MORC1: variants seen among roughly 807,000 people sequenced by gnomAD.
MORC1 encodes the protein MORC family CW-type zinc finger 1, also known as MORC family CW-type zinc finger protein 1.
Under a neutral mutation model 134.9 loss-of-function variants are expected in MORC1, and 59 were observed. The ratio of observed to expected loss-of-function variants is 0.44; its 90% CI spans 0.35 to 0.54. The LOEUF is 0.54. Among genes scored for constraint, MORC1 ranks in the 20% least tolerant of loss-of-function variants. The pLI is 0.00. For synonymous variants in MORC1, 395 were observed against 391.7 expected, an observed-to-expected ratio of 1.01 and a Z score of -0.10; for missense variants, 947 against 1,134.5, an observed-to-expected ratio of 0.83 and a Z score of 2.37.
At chr3:108,999,516 G>A (rs1270746923) in intron 21 of MORC1, among the ~76,000 whole-genome samples, 1 of 152,086 alleles carries the variant, frequency 6.6e-6, no homozygotes, top group Non-Finnish European at 1.5e-5. Flanking sequence ...ATAACTTTCT[G>A]GTGAAGGACA....
chr3:109,109,037 C>T (rs895545229), intron 3 of MORC1, among the ~76,000 whole-genome samples: 3 of 152,092 alleles, frequency 2.0e-5, no homozygotes, highest in South Asian at 2.1e-4. Context: ...ACACTTAGTG[C>T]GAGTCAACCG....
At chr3:108,988,008 A>G (rs1236738906) in intron 21 of MORC1, among the ~76,000 whole-genome samples, 1 of 152,032 alleles carries the variant, frequency 6.6e-6, no homozygotes, top group Non-Finnish European at 1.5e-5. Flanking sequence ...TAAGATAGGG[A>G]GCTGTCAGGT....
intron 7 of MORC1, among the ~76,000 whole-genome samples, chr3:109,093,909 A>C (rs1950777851): frequency 6.6e-6 from 1 of 152,236 alleles, no homozygotes; most frequent in Admixed American, 6.5e-5. Context: ...TGAATTTAAC[A>C]CACATAAAAA....
intron 8 of MORC1, among the ~76,000 whole-genome samples, chr3:109,090,151 C>T (rs1950687281): frequency 6.6e-6 from 1 of 151,980 alleles, no homozygotes; most frequent in Non-Finnish European, 1.5e-5. Flanking sequence ...CACCTTTAAA[C>T]TGATATTGCC....
chr3:109,066,435 G>T (rs1266243320), intron 9 of MORC1, among the ~76,000 whole-genome samples: 2 of 151,982 alleles, frequency 1.3e-5, no homozygotes, highest in African/African-American at 4.8e-5. Context: ...ACAGGTGCAT[G>T]CCACCACGCC....
intron 24 of MORC1, among the ~76,000 whole-genome samples, chr3:108,978,941 C>A (rs1339715813): frequency 6.6e-6 from 1 of 152,088 alleles, no homozygotes; most frequent in Non-Finnish European, 1.5e-5. Context: ...GAGCACAAGT[C>A]TGTATATAGA....
At chr3:109,066,234 T>C (rs1003738635) in intron 9 of MORC1, among the ~76,000 whole-genome samples, 7 of 152,168 alleles carry the variant, frequency 4.6e-5, no homozygotes, top group African/African-American at 1.7e-4. Context: ...CATGTTGTTT[T>C]TCCTCCCCCA....
intron 14 of MORC1, among the ~76,000 whole-genome samples, chr3:109,053,738 G>C (rs13075660): frequency 6.6e-6 from 1 of 152,038 alleles, no homozygotes; most frequent in African/African-American, 2.4e-5. Flanking sequence ...ATATACCTCT[G>C]TAACAACCTT....
In MORC1 at chr3:109,005,348, G is replaced by A. The variant is rs1033402390; in HGVS notation, c.1768-33C>T. ...AACAAAGAACATGTTTTTATTTTTTGGTAGATAGCCTATTTATAATTAATC... is the reference window on the plus strand; with the variant it reads ...AACAAAGAACATGTTTTTATTTTTTAGTAGATAGCCTATTTATAATTAATC... On this transcript the variant is annotated intron_variant, in intron 18 of 27. Coordinates refer to ENST00000232603, the MANE Select transcript of MORC1 (RefSeq NM_014429.4). The A allele has an allele frequency of 2.6e-6, 4 of 1,530,800 alleles. No homozygotes were observed. In the South Asian group the frequency reaches 5.1e-5, roughly 19 times the overall value. The allele number at this position is 1,530,800 out of a possible 1,614,324, so 94.8% of individuals were successfully genotyped here.
chr3:108,959,231 C>A, intron 27 of MORC1, 111 bp from the exon 28 acceptor site: 1 of 845,382 alleles, frequency 1.2e-6, no homozygotes. Context: ...CAACAAAAGC[C>A]ACCTTACATT....
At position 108,982,602 on chromosome 3, in the gene MORC1, G is replaced by A. The variant is rs566516799; in HGVS notation, c.2324+2114C>T. The stretch of plus-strand genomic sequence containing the variant: ...GTGGGATGGGGGGGGCAGGGGGAGG[G>A]ATAGCATTAGGAGAAATACCTAACA... On this transcript the variant is annotated intron_variant, in intron 23 of 27. Coordinates refer to ENST00000232603, the MANE Select transcript of MORC1 (RefSeq NM_014429.4). Among the ~76,000 whole-genome samples, 345 of 151,414 alleles carry A rather than the reference G, an allele frequency of 2.3e-3. 1 individual carries two copies. Among genetic ancestry groups the A allele is most frequent in the African/African-American group, 8.1e-3 (331 of 41,084 alleles).
At chr3:109,063,314 G>A in intron 9 of MORC1, 83 bp from the exon 10 acceptor site, 6 of 735,712 alleles carry the variant, frequency 8.2e-6, no homozygotes, top group South Asian at 5.0e-5. Context: ...AAGACTATAT[G>A]CTCCAGAGAT....
chr3:109,057,778 G>A (rs78465330), intron 12 of MORC1, among the ~76,000 whole-genome samples: 4,905 of 152,218 alleles, frequency 0.032, 250 homozygotes, highest in African/African-American at 0.11. Context: ...TTAACGGGTC[G>A]TATAGGTACA....
chr3:109,006,754 C>T (rs1322139466), intron 18 of MORC1, among the ~76,000 whole-genome samples: 2 of 151,888 alleles, frequency 1.3e-5, no homozygotes, highest in Non-Finnish European at 2.9e-5. Flanking sequence ...TGTATATATC[C>T]CTAGAAAGTA....
intron 21 of MORC1, among the ~76,000 whole-genome samples, chr3:108,995,364 A>T (rs1444845472): frequency 6.6e-6 from 1 of 152,228 alleles, no homozygotes; most frequent in Non-Finnish European, 1.5e-5. Flanking sequence ...TTTGAACTTT[A>T]CACATGGGTT....
At chr3:109,105,838 T>C (rs1559955905) in intron 3 of MORC1, among the ~76,000 whole-genome samples, 1 of 152,228 alleles carries the variant, frequency 6.6e-6, no homozygotes, top group African/African-American at 2.4e-5. Flanking sequence ...TCCAATTTAC[T>C]TCTTTGTCTG....
In MORC1 at chr3:108,986,949, C is replaced by T. The variant is rs1947910993; in HGVS notation, c.2188G>A (p.Val730Ile). 1 of 1,555,934 alleles carries T rather than the reference C, an allele frequency of 6.4e-7. No individual in the cohort carries two copies. Among genetic ancestry groups the T allele is most frequent in the East Asian group, 2.3e-5 (1 of 44,428 alleles). The change falls in exon 22 of 28, where the codon GTT (valine) becomes ATT (isoleucine). Residue 730 changes from valine to isoleucine, a missense_variant and splice_region_variant. Physicochemically the swap from Val to Ile is conservative, Grantham distance 29. Coordinates refer to ENST00000232603, the MANE Select transcript of MORC1 (RefSeq NM_014429.4). ...ENTSDSDIIL[V>I]SDKSNTDVSL... is the part of the protein sequence containing the mutation. Reference sequence around the variant, plus strand: ...ACATCAGTGTTGCTTTTATCTGAAACCTGAAAAACAAGCTCTTTATTTAAA... The same window carrying T: ...ACATCAGTGTTGCTTTTATCTGAAATCTGAAAAACAAGCTCTTTATTTAAA...
chr3:109,040,847 A>G (rs140833564), intron 14 of MORC1, among the ~76,000 whole-genome samples: 190 of 149,188 alleles, frequency 1.3e-3, no homozygotes, highest in South Asian at 2.1e-3. Context: ...AAAAAAAAAA[A>G]AAAGAAAGAA....
intron 26 of MORC1, among the ~76,000 whole-genome samples, chr3:108,966,302 G>A (rs938071446): frequency 6.6e-6 from 1 of 152,178 alleles, no homozygotes; most frequent in Non-Finnish European, 1.5e-5. Flanking sequence ...TCAAAGAGTA[G>A]GAGCTCTAGC....
Sources: gnomAD v4.1 joint callset for allele counts (sites outside exome capture counted in the v4.1 genomes callset) on GRCh38, gnomAD v4.1.1 for gene constraint, MANE v1.5 for transcripts, NCBI Gene and HGNC (gene_info 2026-07-23, HGNC 2026-07-21) for gene names.